Variants in RALGPS2 observed in about 807,000 individuals in gnomAD.
The protein encoded by RALGPS2 is Ral GEF with PH domain and SH3 binding motif 2.
RALGPS2 carries 43 observed loss-of-function variants against 86.8 expected under a neutral mutation model. The ratio of observed to expected loss-of-function variants is 0.50; its 90% CI spans 0.39 to 0.64. The LOEUF (loss-of-function observed/expected upper bound fraction) is 0.64. Ranked by LOEUF, RALGPS2 falls within the 30% of genes least tolerant of loss-of-function variation. The pLI is 0.00. For missense variants in RALGPS2, 536 were observed against 694.6 expected, an observed-to-expected ratio of 0.77 and a Z score of 2.57; for synonymous variants, 243 against 231.3, an observed-to-expected ratio of 1.05 and a Z score of -0.46.
At chr1:178,807,558 TAA>T (rs1335028841) in intron 4 of RALGPS2, among the ~76,000 whole-genome samples, 1 of 152,224 alleles carries the variant, frequency 6.6e-6, no homozygotes, top group East Asian at 1.9e-4. Context: ...ATTAATTTTT[TAA>T]TATACAAGTT....
intron 6 of RALGPS2, among the ~76,000 whole-genome samples, chr1:178,819,486 A>T (rs1028421509): frequency 6.6e-6 from 1 of 152,058 alleles, no homozygotes; most frequent in African/African-American, 2.4e-5. Flanking sequence ...ATGCAATGAG[A>T]GTCTCTTATT....
chr1:178,805,755 C>T (rs1380934343), intron 4 of RALGPS2, among the ~76,000 whole-genome samples: 1 of 152,066 alleles, frequency 6.6e-6, no homozygotes, highest in Non-Finnish European at 1.5e-5. Context: ...ATTCATTTCT[C>T]CTTCTTTTGC....
intron 2 of RALGPS2, among the ~76,000 whole-genome samples, chr1:178,781,333 T>C (rs977812385): frequency 3.3e-5 from 5 of 152,206 alleles, no homozygotes; most frequent in Non-Finnish European, 5.9e-5. Context: ...AAATTTCTTA[T>C]AGAAGTGATA....
chr1:178,865,675 T>C, intron 8 of RALGPS2: 2 of 1,614,086 alleles, frequency 1.2e-6, no homozygotes, highest in African/African-American at 1.3e-5. Flanking sequence ...GAGGGTATCT[T>C]CTCTGGTTTA....
At chr1:178,747,609 G>A in intron 1 of RALGPS2, 1 of 1,585,274 alleles carries the variant, frequency 6.3e-7, no homozygotes, top group Admixed American at 1.7e-5. Flanking sequence ...TAACTCCTTT[G>A]TCCTCTTCTA....
chr1:178,726,494 A>G (rs1225860978), intron 1 of RALGPS2, among the ~76,000 whole-genome samples: 2 of 151,826 alleles, frequency 1.3e-5, no homozygotes, highest in East Asian at 3.9e-4. Flanking sequence ...AAGAAAGGGC[A>G]CTGATGTTAG....
chr1:178,865,107 G>A, intron 8 of RALGPS2: 1 of 1,573,880 alleles, frequency 6.4e-7, no homozygotes, highest in Non-Finnish European at 8.6e-7. Flanking sequence ...TGGCTGTTAG[G>A]AATATGTTGT....
chr1:178,833,587 G>A, intron 8 of RALGPS2, 37 bp downstream of exon 8: 1 of 1,514,102 alleles, frequency 6.6e-7, no homozygotes, highest in Non-Finnish European at 8.7e-7. Flanking sequence ...GTTTCTAGTT[G>A]TTACTCTTCC....
intron 1 of RALGPS2, among the ~76,000 whole-genome samples, chr1:178,770,208 A>G (rs895950462): frequency 6.6e-6 from 1 of 151,740 alleles, no homozygotes; most frequent in Non-Finnish European, 1.5e-5. Context: ...TTTTAGAGAT[A>G]GGATTTTACC....
intron 1 of RALGPS2, among the ~76,000 whole-genome samples, chr1:178,733,360 GCA>G (rs1264423697): frequency 6.6e-6 from 1 of 152,154 alleles, no homozygotes; most frequent in Non-Finnish European, 1.5e-5. Flanking sequence ...TTAAAAGTAT[GCA>G]AACCAATGCA....
chr1:178,737,320 C>T (rs530969947), intron 1 of RALGPS2, among the ~76,000 whole-genome samples: 2 of 152,316 alleles, frequency 1.3e-5, no homozygotes, highest in East Asian at 3.9e-4. Context: ...GATCTTGGCT[C>T]ACTGCAACCT....
At chr1:178,915,350 C>T (rs1660773052) in intron 19 of RALGPS2, among the ~76,000 whole-genome samples, 1 of 152,180 alleles carries the variant, frequency 6.6e-6, no homozygotes, top group Non-Finnish European at 1.5e-5. Context: ...ATTCTCCTGC[C>T]TCAGCCTCCT....
At chr1:178,832,623 C>T (rs549168848) in intron 7 of RALGPS2, among the ~76,000 whole-genome samples, 1 of 151,470 alleles carries the variant, frequency 6.6e-6, no homozygotes, top group African/African-American at 2.4e-5. Flanking sequence ...TGTAAAACAA[C>T]ACCAATATTT....
intron 8 of RALGPS2, chr1:178,865,393 A>G: frequency 6.2e-7 from 1 of 1,614,092 alleles, no homozygotes; most frequent in Non-Finnish European, 8.5e-7. Context: ...GAGTAACACG[A>G]GAGTTCATGT....
intron 10 of RALGPS2, among the ~76,000 whole-genome samples, chr1:178,881,545 G>T (rs932515999): frequency 1.3e-5 from 2 of 152,100 alleles, no homozygotes; most frequent in African/African-American, 4.8e-5. Flanking sequence ...CGCCGCCTGG[G>T]GTTCAAGCAA....
intron 8 of RALGPS2, among the ~76,000 whole-genome samples, chr1:178,854,885 G>A (rs1657425509): frequency 6.6e-6 from 1 of 152,114 alleles, no homozygotes; most frequent in Non-Finnish European, 1.5e-5. Context: ...TCTTGAACTT[G>A]AGATTTCCAC....
At chr1:178,834,102 C>G (rs950190982) in intron 8 of RALGPS2, among the ~76,000 whole-genome samples, 5 of 151,892 alleles carry the variant, frequency 3.3e-5, no homozygotes, top group African/African-American at 1.2e-4. Context: ...AGTATTTAAC[C>G]AGTAATATTA....
chr1:178,810,814 G>A (rs1398989969), intron 5 of RALGPS2, among the ~76,000 whole-genome samples: 2 of 151,908 alleles, frequency 1.3e-5, no homozygotes, highest in Admixed American at 6.6e-5. Context: ...TCTGTATTTA[G>A]ATTTGTATAA....
intron 8 of RALGPS2, among the ~76,000 whole-genome samples, chr1:178,862,473 T>C (rs1658094407): frequency 6.6e-6 from 1 of 152,132 alleles, no homozygotes; most frequent in Non-Finnish European, 1.5e-5. Flanking sequence ...AATTGATAAT[T>C]TAAGAGGGAC....
Sources: gnomAD v4.1 joint callset for allele counts (sites outside exome capture counted in the v4.1 genomes callset) on GRCh38, gnomAD v4.1.1 for gene constraint, MANE v1.5 for transcripts, NCBI Gene and HGNC (gene_info 2026-07-23, HGNC 2026-07-21) for gene names.